The following NHEJ1 variants were observed in gnomAD, a reference collection of about 807,000 sequenced individuals.
NHEJ1 encodes non-homologous end joining factor 1.
A neutral mutation model predicts 39.4 loss-of-function variants in NHEJ1; 22 were observed. That is an observed-to-expected ratio of 0.56 (90% CI 0.40 to 0.80). NHEJ1 has a LOEUF of 0.80. Ranked by LOEUF, NHEJ1 falls within the 30% of genes least tolerant of loss-of-function variation. The probability of loss-of-function intolerance (pLI) is 0.00; values close to 1 mark genes in which losing one functional copy is unlikely to be tolerated. For missense variants in NHEJ1, 329 were observed against 357.1 expected, an observed-to-expected ratio of 0.92 and a Z score of 0.63; for synonymous variants, 154 against 135.6, an observed-to-expected ratio of 1.14 and a Z score of -0.94.
intron 5 of NHEJ1, among the ~76,000 whole-genome samples, chr2:219,136,477 T>G (rs1378876508): frequency 6.6e-6 from 1 of 152,006 alleles, no homozygotes. Flanking sequence ...TTAGTAGAGA[T>G]GGAGTTTCGC....
chr2:219,142,766 C>G (rs1371894271), intron 5 of NHEJ1, among the ~76,000 whole-genome samples: 1 of 152,200 alleles, frequency 6.6e-6, no homozygotes, highest in African/African-American at 2.4e-5. Flanking sequence ...AACCCCCAGT[C>G]CTACAAAATG....
chr2:219,140,276 T>C (rs1949678218), intron 5 of NHEJ1, among the ~76,000 whole-genome samples: 2 of 152,352 alleles, frequency 1.3e-5, no homozygotes, highest in South Asian at 4.1e-4. Flanking sequence ...TAGGGTTTTA[T>C]AGGCCATGGT....
chr2:219,076,600 T>G (rs1374040859), intron 7 of NHEJ1, 145 bp from the exon 8 acceptor site: 2 of 722,268 alleles, frequency 2.8e-6, no homozygotes, highest in Non-Finnish European at 4.4e-6. Flanking sequence ...CTGGAGTACA[T>G]GGGCACAATC....
At chr2:219,122,239 A>C (rs1949478281) in intron 5 of NHEJ1, among the ~76,000 whole-genome samples, 1 of 152,172 alleles carries the variant, frequency 6.6e-6, no homozygotes, top group Non-Finnish European at 1.5e-5. Context: ...AGATCCACGC[A>C]CCTTTCAAGA....
intron 5 of NHEJ1, among the ~76,000 whole-genome samples, chr2:219,126,749 T>C (rs1949527343): frequency 6.6e-6 from 1 of 152,162 alleles, no homozygotes; most frequent in Admixed American, 6.5e-5. Context: ...GAAGGGCAAG[T>C]AAACTGAACT....
intron 3 of NHEJ1, among the ~76,000 whole-genome samples, chr2:219,155,191 CA>C (rs1408041315): frequency 6.6e-6 from 1 of 151,344 alleles, no homozygotes; most frequent in Non-Finnish European, 1.5e-5. Context: ...AAAGGCCGCC[CA>C]AATGGTTTGG....
intron 5 of NHEJ1, among the ~76,000 whole-genome samples, chr2:219,137,537 T>C (rs183878429): frequency 3.5e-4 from 27 of 76,128 alleles, no homozygotes; most frequent in African/African-American, 9.8e-4. Flanking sequence ...TCGTTAACAA[T>C]TGAACTAAAT....
chr2:219,100,526 A>G (rs1196783421), intron 5 of NHEJ1, among the ~76,000 whole-genome samples: 1 of 151,582 alleles, frequency 6.6e-6, no homozygotes, highest in Non-Finnish European at 1.5e-5. Context: ...CATGAGAATC[A>G]TTTGAATCCA....
At chr2:219,131,222 T>C (rs953266032) in intron 5 of NHEJ1, among the ~76,000 whole-genome samples, 1 of 152,182 alleles carries the variant, frequency 6.6e-6, no homozygotes, top group Non-Finnish European at 1.5e-5. Context: ...AGACCCTGCA[T>C]GGCTGTTCAG....
At chr2:219,112,219 A>AT (rs1473385378) in intron 5 of NHEJ1, among the ~76,000 whole-genome samples, 1 of 152,194 alleles carries the variant, frequency 6.6e-6, no homozygotes, top group Non-Finnish European at 1.5e-5. Flanking sequence ...CAGGTGACCA[A>AT]TTTAAGTAAC....
chr2:219,160,414 T>A (rs1450793600), intron 1 of NHEJ1: 1 of 152,250 alleles, frequency 6.6e-6, no homozygotes, highest in African/African-American at 2.4e-5. Context: ...CGCCTTCCCA[T>A]TTCTACAGCA....
At chr2:219,147,405 C>G (rs1949751585) in intron 4 of NHEJ1, among the ~76,000 whole-genome samples, 2 of 152,228 alleles carry the variant, frequency 1.3e-5, no homozygotes, top group Admixed American at 1.3e-4. Flanking sequence ...TCGCTTGAGC[C>G]CACGAGGCGG....
chr2:219,122,638 TTTACTC>T (rs1316068185), intron 5 of NHEJ1, among the ~76,000 whole-genome samples: 1 of 152,126 alleles, frequency 6.6e-6, no homozygotes, highest in African/African-American at 2.4e-5. Context: ...GGCCCAGACA[TTTACTC>T]TTAAGATTTG....
At chr2:219,107,053 T>C (rs922914734) in intron 5 of NHEJ1, among the ~76,000 whole-genome samples, 1 of 152,132 alleles carries the variant, frequency 6.6e-6, no homozygotes, top group African/African-American at 2.4e-5. Context: ...GAGAGCGATA[T>C]AGAAGATATG....
rs989099423 is a variant in NHEJ1 at position 219,153,694 on chromosome 2, G to T, written c.390+3778C>A. ...ATCTCAAAAGAAAAAGAAAGAAAAGGGGGGGGGGGTGGAGAGAGAGAGAGA... is the reference window on the plus strand; with the variant it reads ...ATCTCAAAAGAAAAAGAAAGAAAAGTGGGGGGGGGTGGAGAGAGAGAGAGA... On this transcript the variant is annotated intron_variant, in intron 3 of 7. Coordinates refer to ENST00000356853, the MANE Select transcript of NHEJ1 (RefSeq NM_024782.3). Among the ~76,000 whole-genome samples, 5 of 67,272 alleles carry T rather than the reference G, an allele frequency of 7.4e-5. No homozygotes were observed. The South Asian group carries it at 2.9e-3, about 39-fold the overall frequency. The allele number at this position is 67,272 out of a possible 152,430, so 44.1% of individuals were successfully genotyped here.
At position 219,101,055 on chromosome 2, in the gene NHEJ1, T is replaced by C. The variant is rs150262430; in HGVS notation, c.589-22849A>G. The stretch of plus-strand genomic sequence containing the variant: ...CCCAAATGGGATCACATTACATATA[T>C]TCTTATGCATTTTGCCTTTTTTGGG... On this transcript the variant is annotated intron_variant, in intron 5 of 7. Transcript: ENST00000356853. Among the ~76,000 whole-genome samples the C allele has an allele frequency of 6.8e-4, 103 of 152,332 alleles. 1 individual carries two copies. The highest frequency in any genetic ancestry group is 1.3e-3 in the Non-Finnish European group (89 of 68,038).
rs1312435024 is a variant in NHEJ1 at position 219,075,418 on chromosome 2, T to C, written c.*963A>G. ...AAACGCCAGTATATATACAGGATAT[T>C]TGAATAAGGAGGCATTTAACCATCG... On this transcript the variant is annotated 3_prime_UTR_variant, in exon 8 of 8. Coordinates refer to ENST00000356853, the MANE Select transcript of NHEJ1 (RefSeq NM_024782.3). The C allele has an allele frequency of 2.0e-5, 3 of 152,186 alleles. No individual in the cohort carries two copies. Among genetic ancestry groups the C allele is most frequent in the East Asian group, 1.9e-4 (1 of 5,200 alleles). The allele number at this position is 152,186 out of a possible 1,614,324, so 9.4% of individuals were successfully genotyped here.
chr2:219,130,175 G>A (rs1949564941), intron 5 of NHEJ1, among the ~76,000 whole-genome samples: 1 of 151,204 alleles, frequency 6.6e-6, no homozygotes, highest in South Asian at 2.1e-4. Flanking sequence ...AGGGGGTATA[G>A]AAAAAAAATG....
At chr2:219,080,923 G>A (rs533219974) in intron 5 of NHEJ1, among the ~76,000 whole-genome samples, 33 of 152,110 alleles carry the variant, frequency 2.2e-4, no homozygotes, top group African/African-American at 5.8e-4. Flanking sequence ...GTTAGAGGCC[G>A]AGCAGTCTGG....
Sources: gnomAD v4.1 joint callset for allele counts (sites outside exome capture counted in the v4.1 genomes callset) on GRCh38, gnomAD v4.1.1 for gene constraint, MANE v1.5 for transcripts, NCBI Gene and HGNC (gene_info 2026-07-23, HGNC 2026-07-21) for gene names.